Variants in KIAA1217 observed in about 807,000 individuals in gnomAD.
The protein encoded by KIAA1217 is sickle tail protein homolog.
Under a neutral mutation model 163.9 loss-of-function variants are expected in KIAA1217, and 88 were observed. That is an observed-to-expected ratio of 0.54 (90% confidence interval 0.45 to 0.64). The LOEUF (loss-of-function observed/expected upper bound fraction) is 0.64, where lower values mean the gene tolerates loss of function less well. Among genes scored for constraint, KIAA1217 ranks in the 30% least tolerant of loss-of-function variants. The pLI is 0.00. For synonymous variants in KIAA1217, 903 were observed against 923.1 expected (o/e 0.98, Z 0.39); for missense variants, 2,372 against 2,475.0 (o/e 0.96, Z 0.88).
chr10:24,093,029 C>T (rs11013894), intron 2 of KIAA1217, among the ~76,000 whole-genome samples: 30,994 of 150,726 alleles, frequency 0.21, 6,664 homozygotes, highest in African/African-American at 0.54. Context: ...GGTCTCACTC[C>T]GTTGCCCAGG....
chr10:24,178,369 A>G (rs142115566), intron 2 of KIAA1217, among the ~76,000 whole-genome samples: 1 of 152,256 alleles, frequency 6.6e-6, no homozygotes, highest in African/African-American at 2.4e-5. Context: ...CATTTCATGG[A>G]TGAAGAATCT....
rs753362782 is a variant in KIAA1217, at chr10:24,433,003, T to A, written c.562T>A (p.Tyr188Asn). Residue 188 changes from tyrosine to asparagine, a missense_variant, in exon 4 of 21, where the codon TAT becomes AAT. Coordinates refer to ENST00000376454, the MANE Select transcript of KIAA1217 (RefSeq NM_019590.5). ...GTTTCCTTTGTGTGCAGGGGTTCTC[T>A]ATCTCCAGTATGGAGATGAAACCAA... ...QTKERSLGVL[Y>N]LQYGDETKQL... 7 of 1,613,270 alleles carry A rather than the reference T, an allele frequency of 4.3e-6. No individual in the cohort carries two copies. The highest frequency in any genetic ancestry group is 1.6e-4 in the Middle Eastern group (1 of 6,084).
At chr10:23,819,798 G>C (rs1035541939) in intron 1 of KIAA1217, among the ~76,000 whole-genome samples, 2 of 152,094 alleles carry the variant, frequency 1.3e-5, no homozygotes, top group African/African-American at 4.8e-5. Flanking sequence ...ATGGAGCCTT[G>C]GGAGAAATAC....
chr10:24,348,008 G>A (rs1320575700), intron 2 of KIAA1217, among the ~76,000 whole-genome samples: 7 of 152,178 alleles, frequency 4.6e-5, no homozygotes, highest in African/African-American at 7.2e-5. Flanking sequence ...CTTGACTCAA[G>A]AAAGTTGCTA....
At chr10:23,787,338 T>C (rs935800522) in intron 1 of KIAA1217, among the ~76,000 whole-genome samples, 4 of 152,200 alleles carry the variant, frequency 2.6e-5, no homozygotes, top group African/African-American at 9.6e-5. Flanking sequence ...CTATGGCTGG[T>C]ATGAGGCTAG....
intron 1 of KIAA1217, among the ~76,000 whole-genome samples, chr10:23,844,001 T>C (rs2131074949): frequency 6.6e-6 from 1 of 152,286 alleles, no homozygotes; most frequent in Admixed American, 6.5e-5. Context: ...TTCTAGAGAA[T>C]TAATACACCA....
chr10:23,798,707 T>C (rs779413335), intron 1 of KIAA1217, among the ~76,000 whole-genome samples: 2 of 152,192 alleles, frequency 1.3e-5, no homozygotes, highest in African/African-American at 2.4e-5. Context: ...TGTGCAGTGA[T>C]CCCTGACAGG....
At chr10:24,307,769 A>G (rs2042175358) in intron 2 of KIAA1217, among the ~76,000 whole-genome samples, 1 of 152,174 alleles carries the variant, frequency 6.6e-6, no homozygotes, top group South Asian at 2.1e-4. Flanking sequence ...TGACAGAGTG[A>G]GACCTTGTCT....
chr10:24,188,768 C>T (rs1393242730), intron 2 of KIAA1217, among the ~76,000 whole-genome samples: 1 of 152,134 alleles, frequency 6.6e-6, no homozygotes, highest in Non-Finnish European at 1.5e-5. Flanking sequence ...GGACACTTTC[C>T]TCAAGCCTCA....
At chr10:23,903,709 T>C (rs1842040539) in intron 1 of KIAA1217, among the ~76,000 whole-genome samples, 1 of 152,072 alleles carries the variant, frequency 6.6e-6, no homozygotes, top group Non-Finnish European at 1.5e-5. Flanking sequence ...GTTTTTATGG[T>C]TGTCTCTCAC....
At chr10:24,312,397 C>T (rs2042814529) in intron 2 of KIAA1217, among the ~76,000 whole-genome samples, 1 of 152,000 alleles carries the variant, frequency 6.6e-6, no homozygotes, top group African/African-American at 2.4e-5. Context: ...GGCCGAATCA[C>T]CTGAGGTCAG....
chr10:24,450,717 A>T (rs1436307441), intron 5 of KIAA1217, among the ~76,000 whole-genome samples: 1 of 152,166 alleles, frequency 6.6e-6, no homozygotes, highest in Non-Finnish European at 1.5e-5. Flanking sequence ...AACCCTATGG[A>T]ATAGGTACTA....
chr10:24,543,728 G>A lies in KIAA1217; in HGVS notation c.4458G>A (p.Glu1486=). 1 of 1,613,896 alleles carries A rather than the reference G, an allele frequency of 6.2e-7. No individual in the cohort carries two copies. The highest frequency in any genetic ancestry group is 8.5e-7 in the Non-Finnish European group (1 of 1,179,916). ...AAAAGATAGAGGAGGAGGAAGAGGA[G>A]GAAAATGGGGATTCTGTAGTCCAGA... ...MEEKIEEEEE[E]ENGDSVVQNN... is the part of the protein sequence containing the mutation. The change falls in exon 19 of 21, where the codon GAG becomes GAA. Residue 1486 remains glutamate (E), a synonymous_variant. Coordinates refer to ENST00000376454, the MANE Select transcript of KIAA1217 (RefSeq NM_019590.5).
At chr10:24,270,276 C>T (rs1230977468) in intron 2 of KIAA1217, among the ~76,000 whole-genome samples, 2 of 152,228 alleles carry the variant, frequency 1.3e-5, no homozygotes, top group Admixed American at 1.3e-4. Flanking sequence ...TGAACACTGT[C>T]TCATCCAGCT....
intron 1 of KIAA1217, among the ~76,000 whole-genome samples, chr10:23,784,000 CTT>C (rs970451352): frequency 6.6e-6 from 1 of 151,302 alleles, no homozygotes; most frequent in African/African-American, 2.4e-5. Context: ...TAAAAAAAAA[CTT>C]TTGTTGGTTT....
chr10:24,478,692 T>A (rs1313199545), intron 6 of KIAA1217, among the ~76,000 whole-genome samples: 2 of 152,214 alleles, frequency 1.3e-5, no homozygotes, highest in Non-Finnish European at 2.9e-5. Flanking sequence ...ACAAATGGCT[T>A]AGTGCCTGAG....
In KIAA1217 at chr10:24,528,836, C is replaced by T. The variant is rs142728098; in HGVS notation, c.3082+717C>T. Among the ~76,000 whole-genome samples, 266 of 151,324 alleles carry T rather than the reference C, an allele frequency of 1.8e-3. 1 individual carries two copies. The highest frequency in any genetic ancestry group is 6.3e-3 in the African/African-American group (258 of 41,184). On this transcript the variant is annotated intron_variant, in intron 14 of 20. Coordinates refer to ENST00000376454, the MANE Select transcript of KIAA1217 (RefSeq NM_019590.5). ...GAAAATGGTAGCTTTTATGAGCTCT[C>T]GGGGGATATTAGATCATAAGGCAAA...
intron 1 of KIAA1217, among the ~76,000 whole-genome samples, chr10:23,755,667 G>A (rs1833883830): frequency 6.6e-6 from 1 of 152,102 alleles, no homozygotes; most frequent in South Asian, 2.1e-4. Flanking sequence ...AGACTTAATA[G>A]GTTATTGTGG....
At chr10:24,250,613 TGTA>T (rs1156372855) in intron 2 of KIAA1217, among the ~76,000 whole-genome samples, 19,699 of 29,540 alleles carry the variant, frequency 0.67, 5,063 homozygotes, top group South Asian at 0.8. Flanking sequence ...TTTTTTTTTT[TGTA>T]TTGTTAATAG....
Sources: allele counts gnomAD v4.1 joint callset (sites outside exome capture counted in the v4.1 genomes callset), GRCh38; gene constraint gnomAD v4.1.1; transcripts MANE v1.5; gene names NCBI Gene and HGNC (gene_info 2026-07-23, HGNC 2026-07-21).